The following NPC1 variants were observed in gnomAD, a reference collection of about 807,000 sequenced individuals.
NPC1 encodes the protein NPC intracellular cholesterol transporter 1.
Under a neutral mutation model 140.4 loss-of-function variants are expected in NPC1, and 85 were observed. The ratio of observed to expected loss-of-function variants is 0.61; its 90% CI spans 0.51 to 0.72. The LOEUF (loss-of-function observed/expected upper bound fraction) is 0.72, where lower values mean the gene tolerates loss of function less well. Among genes scored for constraint, NPC1 ranks in the 30% least tolerant of loss-of-function variants. The probability of loss-of-function intolerance (pLI) is 0.00; values close to 1 mark genes in which losing one functional copy is unlikely to be tolerated. For missense variants in NPC1, 1,504 were observed against 1,623.8 expected, an observed-to-expected ratio of 0.93 and a Z score of 1.27; for synonymous variants, 656 against 624.8, an observed-to-expected ratio of 1.05 and a Z score of -0.74.
chr18:23,557,353 T>C (rs1174380364), intron 6 of NPC1, among the ~76,000 whole-genome samples, 163 bp from the exon 7 acceptor site: 2 of 152,228 alleles, frequency 1.3e-5, no homozygotes, highest in Admixed American at 1.3e-4. Flanking sequence ...TGGGTCCCTC[T>C]GCTCACCAGT....
chr18:23,549,742 CTT>C (rs1000073339), intron 10 of NPC1, among the ~76,000 whole-genome samples: 10 of 137,948 alleles, frequency 7.2e-5, no homozygotes, highest in Non-Finnish European at 4.7e-5. Flanking sequence ...TTTTTCACAA[CTT>C]TTTTTTTTTT....
In NPC1 at chr18:23,532,106, T is replaced by C. The variant is rs1237366951; in HGVS notation, c.*96A>G. 3 of 1,613,474 alleles carry C rather than the reference T, an allele frequency of 1.9e-6. No homozygotes were observed. The highest frequency in any genetic ancestry group is 2.7e-5 in the African/African-American group (2 of 74,870). ...GCCAAACAACCGATGGTTGGCACCA[T>C]CCGGTGTTCAACTTGGCCTTGCCGA... On this transcript the variant is annotated 3_prime_UTR_variant, in exon 25 of 25. Coordinates refer to ENST00000269228, the MANE Select transcript of NPC1 (RefSeq NM_000271.5).
At chr18:23,543,701 T>C in intron 13 of NPC1, 132 bp from the exon 14 acceptor site, 3 of 657,498 alleles carry the variant, frequency 4.6e-6, no homozygotes, top group Non-Finnish European at 8.0e-6. Flanking sequence ...TCTAAGCATA[T>C]AAACTTCGGT....
At chr18:23,533,960 G>A (rs2058583916) in intron 23 of NPC1, 1 of 318,672 alleles carries the variant, frequency 3.1e-6, no homozygotes, top group African/African-American at 2.1e-5. Context: ...ACTGCATCGT[G>A]TCTCCCAATT....
At chr18:23,536,563 G>A in intron 21 of NPC1, 110 bp downstream of exon 21, 1 of 884,496 alleles carries the variant, frequency 1.1e-6, no homozygotes, top group South Asian at 1.4e-5. Context: ...AATGGAGCAG[G>A]GGCCAGAACC....
At chr18:23,536,561 A>G in intron 21 of NPC1, 112 bp downstream of exon 21, 1 of 845,208 alleles carries the variant, frequency 1.2e-6, no homozygotes, top group Non-Finnish European at 2.0e-6. Flanking sequence ...AGAATGGAGC[A>G]GGGGCCAGAA....
downstream of NPC1, among the ~76,000 whole-genome samples, chr18:23,517,622 A>G (rs1371709439): frequency 1.3e-5 from 2 of 152,178 alleles, no homozygotes; most frequent in East Asian, 3.8e-4. Flanking sequence ...GTGGCCTAAA[A>G]CAGTGGCCCA....
At position 23,549,495 on chromosome 18, in the gene NPC1, T is replaced by A. The variant is rs568163660; in HGVS notation, c.1655-1387A>T. Among the ~76,000 whole-genome samples, 11 of 152,016 alleles carry A rather than the reference T, an allele frequency of 7.2e-5. No homozygotes were observed. The South Asian group carries it at 2.3e-3, about 32-fold the overall frequency. ...TCTACTAAAAATACAAGAAATTAGCTGGGCCTGGTGATACATGCCTGTAAT... is the reference window on the plus strand; with the variant it reads ...TCTACTAAAAATACAAGAAATTAGCAGGGCCTGGTGATACATGCCTGTAAT... On this transcript the variant is annotated intron_variant, in intron 10 of 24. Coordinates refer to ENST00000269228, the MANE Select transcript of NPC1 (RefSeq NM_000271.5).
downstream of NPC1, chr18:23,527,880 T>C: frequency 3.1e-6 from 5 of 1,614,092 alleles, no homozygotes; most frequent in Non-Finnish European, 4.2e-6. Context: ...AGTACCTGGA[T>C]GCCGAGCAGA....
At chr18:23,550,589 C>G (rs2058858035) in intron 10 of NPC1, among the ~76,000 whole-genome samples, 1 of 147,768 alleles carries the variant, frequency 6.8e-6, no homozygotes, top group Non-Finnish European at 1.5e-5. Context: ...TCACACCACT[C>G]TCCTGCCTCA....
At chr18:23,563,994 T>TTTTTTG (rs1055328370) in intron 4 of NPC1, among the ~76,000 whole-genome samples, 4 of 145,180 alleles carry the variant, frequency 2.8e-5, no homozygotes, top group Non-Finnish European at 4.5e-5. Context: ...AGAGTTTTTT[T>TTTTTTG]TTTTTTTTTT....
intron 10 of NPC1, among the ~76,000 whole-genome samples, chr18:23,549,243 C>T (rs1029885213): frequency 1.3e-5 from 2 of 152,078 alleles, no homozygotes; most frequent in African/African-American, 4.8e-5. Context: ...GTTGCCCTGG[C>T]TGGAGTGCAG....
chr18:23,530,179 A>G (rs1442280978), downstream of NPC1: 2 of 1,613,550 alleles, frequency 1.2e-6, no homozygotes, highest in Non-Finnish European at 1.7e-6. Context: ...AAAATGGAAA[A>G]TTTTAACCGT....
intron 22 of NPC1, 102 bp downstream of exon 22, chr18:23,535,367 G>T: frequency 2.3e-6 from 2 of 861,516 alleles, no homozygotes; most frequent in Non-Finnish European, 3.8e-6. Context: ...CGCCAGACTT[G>T]GTATCTTACT....
chr18:23,521,107 G>A (rs1450053774), downstream of NPC1, among the ~76,000 whole-genome samples: 3 of 151,950 alleles, frequency 2.0e-5, no homozygotes, highest in Non-Finnish European at 4.4e-5. Flanking sequence ...CGCCTGCCTC[G>A]CTCTCCCAAA....
At position 23,533,391 on chromosome 18, in the gene NPC1, CG is replaced by C; in HGVS notation, c.3717del (p.His1239GlnfsTer3). The C allele has an allele frequency of 6.2e-7, 1 of 1,614,076 alleles. No individual in the cohort carries two copies. Among genetic ancestry groups the C allele is most frequent in the East Asian group, 2.2e-5 (1 of 44,888 alleles). On this transcript the variant is annotated frameshift_variant, in exon 24 of 25. Transcript: ENST00000269228. LOFTEE classifies it high-confidence loss of function. ...AGTAAGACAGGGAGAAATATTAATC[CG>C]TGAGTGGCTCCCAGTAAGACCATGG... is the stretch of plus-strand genomic sequence containing the variant. ...YLAMVLLGAT[H>X]GLIFLPVLLS...
chr18:23,516,139 C>G, intron 3 of NPC1: 3 of 1,357,924 alleles, frequency 2.2e-6, no homozygotes, highest in Non-Finnish European at 3.1e-6. Flanking sequence ...ACTCTGTATA[C>G]CCGTCAGCTC....
chr18:23,572,763 G>A (rs2059221882), intron 2 of NPC1, among the ~76,000 whole-genome samples: 1 of 152,184 alleles, frequency 6.6e-6, no homozygotes, highest in South Asian at 2.1e-4. Context: ...AGCTCAGGAG[G>A]TCGAGGACAC....
chr18:23,530,189 T>C (rs1567936884), downstream of NPC1: 1 of 1,613,984 alleles, frequency 6.2e-7, no homozygotes. Context: ...ATTTTAACCG[T>C]TATCTTTCCA....
Sources: allele counts gnomAD v4.1 joint callset (sites outside exome capture counted in the v4.1 genomes callset), GRCh38; gene constraint gnomAD v4.1.1; transcripts MANE v1.5; gene names NCBI Gene and HGNC (gene_info 2026-07-23, HGNC 2026-07-21).